Variants in FRMPD4 observed in about 807,000 individuals in gnomAD.
FRMPD4 encodes the protein FERM and PDZ domain-containing protein 4.
A neutral mutation model predicts 94.1 loss-of-function variants in FRMPD4; 22 were observed. That is an observed-to-expected ratio of 0.23 (90% CI 0.17 to 0.33). FRMPD4 has a LOEUF of 0.33. Among genes scored for constraint, FRMPD4 ranks in the 10% least tolerant of loss-of-function variants. The probability of loss-of-function intolerance (pLI) is 1.00; values close to 1 mark genes in which losing one functional copy is unlikely to be tolerated. For synonymous variants in FRMPD4, 631 were observed against 548.6 expected, an observed-to-expected ratio of 1.15 and a Z score of -2.10; for missense variants, 1,111 against 1,339.9, an observed-to-expected ratio of 0.83 and a Z score of 2.67.
intron 1 of FRMPD4, among the ~76,000 whole-genome samples, chrX:11,852,442 C>CAAAAAAAAAAAAAA (rs374590200): frequency 3.8e-5 from 2 of 52,635 alleles, no homozygotes; most frequent in Non-Finnish European, 7.2e-5. Context: ...ACCCTGTCTC[C>CAAAAAAAAAAAAAA]AAAAAAAAAA....
At chrX:11,930,580 T>C (rs1463811918) in intron 3 of FRMPD4, among the ~76,000 whole-genome samples, 5 of 111,680 alleles carry the variant, frequency 4.5e-5, no homozygotes, top group African/African-American at 1.6e-4. Flanking sequence ...TGCAACCTTA[T>C]AGACATCTTG....
intron 4 of FRMPD4, among the ~76,000 whole-genome samples, chrX:12,661,172 G>A (rs969828521): frequency 9.8e-5 from 11 of 112,227 alleles, no homozygotes; most frequent in Non-Finnish European, 2.1e-4. Flanking sequence ...AGATTCAAGG[G>A]GAGGAGACTA....
At chrX:12,230,646 G>A (rs908277334) in intron 1 of FRMPD4, among the ~76,000 whole-genome samples, 3 of 108,439 alleles carry the variant, frequency 2.8e-5, no homozygotes, top group Non-Finnish European at 5.7e-5. Context: ...AAAGGGGCTG[G>A]CTGGCCCCAG....
chrX:11,913,593 G>A (rs899734769), intron 3 of FRMPD4, among the ~76,000 whole-genome samples: 3 of 111,811 alleles, frequency 2.7e-5, no homozygotes, highest in Admixed American at 9.5e-5. Context: ...CTAGACACCT[G>A]GATCATAGAA....
intron 1 of FRMPD4, among the ~76,000 whole-genome samples, chrX:12,418,066 C>T (rs2056831593): frequency 9.2e-6 from 1 of 109,115 alleles, no homozygotes; most frequent in Non-Finnish European, 1.9e-5. Context: ...ACAGGCTTCA[C>T]CAGACTCATG....
intron 1 of FRMPD4, among the ~76,000 whole-genome samples, chrX:11,845,069 G>GA (rs2053565999): frequency 8.9e-6 from 1 of 111,852 alleles, no homozygotes; most frequent in African/African-American, 3.2e-5. Context: ...TCTCTTTATT[G>GA]AAACTCTTCA....
intron 3 of FRMPD4, among the ~76,000 whole-genome samples, chrX:12,132,616 A>T (rs927738906): frequency 9.0e-6 from 1 of 111,595 alleles, no homozygotes; most frequent in Admixed American, 9.6e-5. Context: ...GATGAGTAAT[A>T]AAAAAGACAT....
intron 1 of FRMPD4, among the ~76,000 whole-genome samples, chrX:12,294,485 CAG>C (rs1555947932): frequency 1.1e-5 from 1 of 92,042 alleles, no homozygotes; most frequent in Non-Finnish European, 2.1e-5. Context: ...CACACACACA[CAG>C]AGAGAGAGAG....
chrX:12,546,840 C>T lies in FRMPD4; in HGVS notation c.158+48044C>T, dbSNP rs1469500156. Among the ~76,000 whole-genome samples, 3 of 107,990 alleles carry T rather than the reference C, an allele frequency of 2.8e-5. No homozygotes were observed. In the Admixed American group the frequency reaches 3.0e-4, roughly 11 times the overall value. 93.8% of individuals were successfully genotyped at this position (107,990 alleles called of 115,157 possible). A position where few individuals can be genotyped will look rare whatever the true frequency, so the allele number is the denominator to read the frequency against. The stretch of plus-strand genomic sequence containing the variant: ...AGCTGAGGCTTTACCTGGCACTGAC[C>T]GTGTCCTCCTCCATTAAAACACTGG... On this transcript the variant is annotated intron_variant, in intron 2 of 16. Transcript: ENST00000675598.
intron 1 of FRMPD4, among the ~76,000 whole-genome samples, chrX:12,437,700 G>C (rs1259481632): frequency 8.9e-6 from 1 of 111,968 alleles, no homozygotes; most frequent in Non-Finnish European, 1.9e-5. Context: ...CTTTCCATCT[G>C]TGTCTCATAG....
At chrX:12,073,866 A>T (rs183553157) in intron 3 of FRMPD4, among the ~76,000 whole-genome samples, 1 of 111,341 alleles carries the variant, frequency 9.0e-6, no homozygotes, top group East Asian at 2.8e-4. Context: ...TCCATGTCCA[A>T]CTCTCATTTT....
intron 1 of FRMPD4, among the ~76,000 whole-genome samples, chrX:12,308,842 T>C (rs1409827405): frequency 1.8e-5 from 2 of 112,718 alleles, no homozygotes; most frequent in African/African-American, 3.2e-5. Context: ...TGTTTTGTTT[T>C]AATAAAAATC....
chrX:12,131,059 A>G (rs1379128939), intron 3 of FRMPD4, among the ~76,000 whole-genome samples: 1 of 111,793 alleles, frequency 8.9e-6, no homozygotes, highest in Non-Finnish European at 1.9e-5. Flanking sequence ...GTGGGAAAGC[A>G]GTAATTATAA....
At chrX:12,099,410 AT>A (rs1336313400) in intron 3 of FRMPD4, among the ~76,000 whole-genome samples, 1 of 112,260 alleles carries the variant, frequency 8.9e-6, no homozygotes, top group African/African-American at 3.2e-5. Flanking sequence ...TCTGTAAAGA[AT>A]CATTCAGTTC....
At chrX:12,718,875 C>G (rs773189083) in intron 16 of FRMPD4, 85 bp downstream of exon 16, 73 of 597,664 alleles carry the variant, frequency 1.2e-4, no homozygotes, top group Non-Finnish European at 1.9e-4. Context: ...AACGTAATGT[C>G]TGGAAGAAAA....
intron 1 of FRMPD4, among the ~76,000 whole-genome samples, chrX:11,842,997 TTTTTGTCATGAATAGGTGG>T: frequency 8.9e-6 from 1 of 112,157 alleles, no homozygotes; most frequent in Admixed American, 9.5e-5. Context: ...TTACTGAGAA[TTTTTGTCATGAATAGGTGG>T]TAGATTTTGC....
chrX:12,458,753 G>A (rs997740348), intron 1 of FRMPD4, among the ~76,000 whole-genome samples: 1 of 111,747 alleles, frequency 8.9e-6, no homozygotes, highest in Non-Finnish European at 1.9e-5. Context: ...GACTTTGGTC[G>A]AAGAAATGAA....
At chrX:12,679,496 G>C (rs1023610112) in intron 5 of FRMPD4, among the ~76,000 whole-genome samples, 1 of 111,218 alleles carries the variant, frequency 9.0e-6, no homozygotes, top group Admixed American at 9.5e-5. Context: ...GAATTTCATT[G>C]GTCTCTTTAA....
intron 1 of FRMPD4, among the ~76,000 whole-genome samples, chrX:11,852,846 G>C (rs1231476587): frequency 1.8e-5 from 2 of 111,503 alleles, no homozygotes; most frequent in African/African-American, 6.5e-5. Context: ...TTAGGTCATT[G>C]AGACAGAAAA....
Sources: allele counts gnomAD v4.1 joint callset (sites outside exome capture counted in the v4.1 genomes callset), GRCh38; gene constraint gnomAD v4.1.1; transcripts MANE v1.5; gene names NCBI Gene and HGNC (gene_info 2026-07-23, HGNC 2026-07-21).